Variants in ITIH2 observed in about 807,000 individuals in gnomAD.
The protein encoded by ITIH2 is inter-alpha-trypsin inhibitor heavy chain H2.
A neutral mutation model predicts 104.4 loss-of-function variants in ITIH2; 103 were observed. The observed-to-expected ratio is 0.99, with a 90% CI of 0.84 to 1.16. The LOEUF (loss-of-function observed/expected upper bound fraction) is 1.16. ITIH2 is among the 50% of genes most tolerant of loss of function. ITIH2 has a pLI of 0.00. For missense variants in ITIH2, 1,108 were observed against 1,162.4 expected (o/e 0.95, Z 0.68); for synonymous variants, 436 against 435.4 (o/e 1.00, Z -0.02).
In ITIH2 at chr10:7,723,366, C is replaced by T. The variant is rs1352723569; in HGVS notation, c.868-85C>T. 31 of 869,308 alleles carry T rather than the reference C, an allele frequency of 3.6e-5. No homozygotes were observed. In the East Asian group the frequency reaches 7.5e-4, roughly 21 times the overall value. 53.8% of individuals were successfully genotyped at this position (869,308 alleles called of 1,614,324 possible). On this transcript the variant is annotated intron_variant, in intron 8 of 20. Coordinates refer to ENST00000358415, the MANE Select transcript of ITIH2 (RefSeq NM_002216.3). ...CGCCTCCTCCTCCCTGTAGACCCCT[C>T]TCTTCTCTGAGTCCCCAGGTCCCCA...
At chr10:7,730,587 A>C (rs1834993288) in intron 12 of ITIH2, among the ~76,000 whole-genome samples, 1 of 152,212 alleles carries the variant, frequency 6.6e-6, no homozygotes, top group African/African-American at 2.4e-5. Context: ...TTGGAGGCCA[A>C]GGTGGGAGGA....
At position 7,703,318 on chromosome 10, in the gene ITIH2, T is replaced by C; in HGVS notation, c.-117T>C. 1 of 690,932 alleles carries C rather than the reference T, an allele frequency of 1.4e-6. No homozygotes were observed. The highest frequency in any genetic ancestry group is 2.6e-6 in the Non-Finnish European group (1 of 386,424). 42.8% of individuals were successfully genotyped at this position (690,932 alleles called of 1,614,324 possible). A position where few individuals can be genotyped will look rare whatever the true frequency, so the allele number is the denominator to read the frequency against. ...TAGAGAGTTTTTTCTTCTTTTTTCT[T>C]CTTTCTTAAAGCGAACTGTACTCCT... On this transcript the variant is annotated 5_prime_UTR_variant, in exon 1 of 21. Transcript: ENST00000358415.
chr10:7,703,582 GA>G, intron 1 of ITIH2, 64 bp downstream of exon 1: 1 of 1,005,632 alleles, frequency 9.9e-7, no homozygotes, highest in Non-Finnish European at 1.6e-6. Flanking sequence ...TCATCTATTG[GA>G]ATCGCTATTC....
rs760057995 is a variant in ITIH2 at position 7,744,924 on chromosome 10, C to T, written c.2542C>T (p.Pro848Ser). Residue 848 changes from proline (P) to serine (S), a missense_variant, in exon 19 of 21, where the codon CCT (proline) becomes TCT (serine). Pro to Ser is a moderately conservative substitution (Grantham distance 74). Coordinates refer to ENST00000358415, the MANE Select transcript of ITIH2 (RefSeq NM_002216.3). ...NVDFLGIYIP[P>S]TNKFSPKAHG... ...TGACTTTCTGGGAATCTACATACCCCCTACAAACAAGTTCTCACCTAAAGC... is the reference window on the plus strand; with the variant it reads ...TGACTTTCTGGGAATCTACATACCCTCTACAAACAAGTTCTCACCTAAAGC... 2.5e-6 allele frequency: 4 copies of T among 1,613,990 alleles called. No individual in the cohort carries two copies. The highest frequency in any genetic ancestry group is 2.2e-5 in the East Asian group (1 of 44,896).
intron 20 of ITIH2, among the ~76,000 whole-genome samples, chr10:7,747,645 G>C (rs191539431): frequency 6.6e-6 from 1 of 152,270 alleles, no homozygotes; most frequent in East Asian, 1.9e-4. Context: ...CCAATGCTTT[G>C]AGAGGCCAAT....
intron 19 of ITIH2, among the ~76,000 whole-genome samples, chr10:7,745,384 T>G (rs1835166761): frequency 6.6e-6 from 1 of 152,026 alleles, no homozygotes; most frequent in African/African-American, 2.4e-5. Flanking sequence ...AGCTATACTC[T>G]CAGGTGCTCA....
intron 5 of ITIH2, among the ~76,000 whole-genome samples, chr10:7,713,867 G>A (rs573633402): frequency 2.0e-5 from 3 of 152,000 alleles, no homozygotes; most frequent in South Asian, 2.1e-4. Flanking sequence ...CATGCCTGAC[G>A]AATTTTTTTA....
At chr10:7,715,226 T>A (rs183300345) in intron 5 of ITIH2, among the ~76,000 whole-genome samples, 435 of 152,222 alleles carry the variant, frequency 2.9e-3, no homozygotes, top group Non-Finnish European at 5.0e-3. Flanking sequence ...ACCGAGACCA[T>A]CCTGGCCAAC....
At chr10:7,712,772 A>T (rs926909949) in intron 4 of ITIH2, among the ~76,000 whole-genome samples, 1 of 152,144 alleles carries the variant, frequency 6.6e-6, no homozygotes, top group African/African-American at 2.4e-5. Context: ...CATTGCCCTC[A>T]TTCATTAAAT....
At position 7,723,565 on chromosome 10, in the gene ITIH2, CAAGT is replaced by C; in HGVS notation, c.984+4_984+7del. ...CTCCATGTGGGGAGTTAAAATGAAACAAGTAAGTACCCCCTTGTTTGCAGTGGTT... is the reference window on the plus strand; with the variant it reads ...CTCCATGTGGGGAGTTAAAATGAAACAAGTACCCCCTTGTTTGCAGTGGTT... On this transcript the variant is annotated splice_donor_variant and coding_sequence_variant, in exon 9 of 21. Transcript: ENST00000358415. LOFTEE classifies it high-confidence loss of function. 4 of 1,571,952 alleles carry C rather than the reference CAAGT, an allele frequency of 2.5e-6. No individual in the cohort carries two copies. The highest frequency in any genetic ancestry group is 3.5e-6 in the Non-Finnish European group (4 of 1,141,702).
intron 3 of ITIH2, among the ~76,000 whole-genome samples, chr10:7,708,695 G>A (rs371143497): frequency 4.6e-5 from 7 of 152,072 alleles, no homozygotes; most frequent in East Asian, 1.9e-4. Context: ...GTTATTACCT[G>A]GACTTCCTCA....
intron 8 of ITIH2, among the ~76,000 whole-genome samples, chr10:7,722,487 A>G (rs1034740915): frequency 3.9e-5 from 6 of 152,240 alleles, no homozygotes; most frequent in African/African-American, 1.4e-4. Context: ...CAAATTTTCT[A>G]AAGTGGCCCA....
intron 19 of ITIH2, among the ~76,000 whole-genome samples, chr10:7,746,353 C>A (rs964809451): frequency 3.3e-5 from 5 of 151,644 alleles, no homozygotes; most frequent in Non-Finnish European, 7.4e-5. Flanking sequence ...CCAGCCTGGG[C>A]AACAGAGGGA....
chr10:7,719,701 C>A (rs2130946062), intron 6 of ITIH2, among the ~76,000 whole-genome samples: 1 of 123,328 alleles, frequency 8.1e-6, no homozygotes, highest in African/African-American at 3.2e-5. Context: ...ATCGAGGCTG[C>A]AGTTAGCTAT....
Position 7,721,651 on chromosome 10 carries a change from G to A in ITIH2, c.741G>A (p.Ala247=), listed in dbSNP as rs769730496. The change falls in exon 8 of 21, where the codon GCG becomes GCA. Residue 247 remains alanine, a splice_region_variant and synonymous_variant. Transcript: ENST00000358415. ...TCTGATGTCACCGTTCTTTCTAGGC[G>A]CACGTCTCCTTCAAGCCCACGGTAG... ...VPVISKGQQK[A]HVSFKPTVAQ... The A allele has an allele frequency of 3.8e-5, 62 of 1,613,208 alleles. No homozygotes were observed. In the Middle Eastern group the frequency reaches 6.6e-4, roughly 17 times the overall value.
At chr10:7,704,387 G>A (rs1400874756) in intron 1 of ITIH2, among the ~76,000 whole-genome samples, 1 of 152,212 alleles carries the variant, frequency 6.6e-6, no homozygotes, top group Non-Finnish European at 1.5e-5. Context: ...TTGAAGCCAA[G>A]ACATCCAAAT....
At chr10:7,707,859 C>T (rs1834761805) in intron 3 of ITIH2, among the ~76,000 whole-genome samples, 1 of 152,206 alleles carries the variant, frequency 6.6e-6, no homozygotes, top group Non-Finnish European at 1.5e-5. Flanking sequence ...GCCATTGCTT[C>T]CAGCACCATT....
At chr10:7,743,791 A>G (rs907692163) in intron 17 of ITIH2, among the ~76,000 whole-genome samples, 1 of 152,116 alleles carries the variant, frequency 6.6e-6, no homozygotes, top group African/African-American at 2.4e-5. Context: ...AAAAACAACA[A>G]CAAAAAATTT....
intron 2 of ITIH2, among the ~76,000 whole-genome samples, chr10:7,706,593 C>T (rs903199447): frequency 2.0e-5 from 3 of 152,188 alleles, no homozygotes; most frequent in African/African-American, 7.2e-5. Flanking sequence ...AGACTTTAGT[C>T]AAATAATCCC....
Sources: allele counts gnomAD v4.1 joint callset (sites outside exome capture counted in the v4.1 genomes callset), GRCh38; gene constraint gnomAD v4.1.1; transcripts MANE v1.5; gene names NCBI Gene and HGNC (gene_info 2026-07-23, HGNC 2026-07-21).